GPHN: variants seen among roughly 807,000 people sequenced by gnomAD.
The protein encoded by GPHN is gephyrin.
Under a neutral mutation model 95.5 loss-of-function variants are expected in GPHN, and 17 were observed. The ratio of observed to expected loss-of-function variants is 0.18; its 90% CI spans 0.12 to 0.27. The LOEUF is 0.27. Ranked by LOEUF, GPHN falls within the 10% of genes least tolerant of loss-of-function variation. GPHN has a pLI of 1.00. For synonymous variants in GPHN, 320 were observed against 322.5 expected (o/e 0.99, Z 0.08); for missense variants, 660 against 978.1 (o/e 0.67, Z 4.34).
chr14:67,573,755 A>G, the GPHN span: 1 of 1,242,564 alleles, frequency 8.0e-7, no homozygotes, highest in Non-Finnish European at 1.2e-6. This position sits in a 1 kb window ranked among gnomAD's most constrained non-coding sequence, Gnocchi z 4.8. Context: ...GTGCTCCGGA[A>G]AGGCTCCACA....
the GPHN span, among the ~76,000 whole-genome samples, chr14:67,733,199 C>T: frequency 6.6e-6 from 1 of 152,090 alleles, no homozygotes; most frequent in Non-Finnish European, 1.5e-5. Context: ...CTCTAGTCCT[C>T]AGGGCCCCTG....
intron 2 of GPHN, among the ~76,000 whole-genome samples, chr14:66,740,113 C>T (rs1222659692): frequency 6.6e-6 from 1 of 152,110 alleles, no homozygotes; most frequent in Non-Finnish European, 1.5e-5. Context: ...AGGTTCAAAA[C>T]TACACTGTTT....
intron 11 of GPHN, among the ~76,000 whole-genome samples, chr14:67,071,158 A>G (rs1244580416): frequency 6.6e-6 from 1 of 152,190 alleles, no homozygotes; most frequent in Admixed American, 6.5e-5. Context: ...ATTATAAATG[A>G]TGCTGCTATA....
chr14:67,380,629 C>A, the GPHN span: 3 of 1,287,550 alleles, frequency 2.3e-6, no homozygotes, highest in Admixed American at 5.0e-5. Flanking sequence ...TAACCTTGAC[C>A]TTTTGTTATT....
the GPHN span, among the ~76,000 whole-genome samples, chr14:67,552,621 G>T: frequency 6.6e-6 from 1 of 151,222 alleles, no homozygotes; most frequent in Non-Finnish European, 1.5e-5. Flanking sequence ...TAAAAAATTA[G>T]CTGGGCGTGG....
At chr14:66,969,855 G>A (rs1367045130) in intron 9 of GPHN, 3 of 150,178 alleles carry the variant, frequency 2.0e-5, no homozygotes, top group Non-Finnish European at 4.4e-5. Context: ...GCTTAAGGCA[G>A]AAAATAATGA....
At chr14:67,624,439 G>T in the GPHN span, among the ~76,000 whole-genome samples, 3 of 152,228 alleles carry the variant, frequency 2.0e-5, no homozygotes, top group East Asian at 5.8e-4. Flanking sequence ...TCATGGTTCT[G>T]CAGGACATAC....
intron 3 of GPHN, among the ~76,000 whole-genome samples, chr14:66,789,820 G>T (rs967675435): frequency 1.3e-5 from 2 of 152,144 alleles, no homozygotes; most frequent in African/African-American, 4.8e-5. Context: ...TAATCCAAAC[G>T]TGCAGAGAGC....
the GPHN span, among the ~76,000 whole-genome samples, chr14:67,438,702 A>G: frequency 1.3e-5 from 2 of 151,916 alleles, no homozygotes; most frequent in Non-Finnish European, 2.9e-5. Flanking sequence ...CTCTACTAAA[A>G]ATTAAAAAAG....
chr14:66,706,123 C>G (rs574657675), intron 2 of GPHN, among the ~76,000 whole-genome samples: 79 of 152,218 alleles, frequency 5.2e-4, no homozygotes, highest in African/African-American at 1.7e-3. Flanking sequence ...AGGACCTCTT[C>G]AGGGAGAACT....
At chr14:67,256,046 A>T in the GPHN span, among the ~76,000 whole-genome samples, 1 of 152,192 alleles carries the variant, frequency 6.6e-6, no homozygotes, top group Non-Finnish European at 1.5e-5. Context: ...TTGTTTTCAG[A>T]AAAGTAATAT....
At chr14:67,324,894 T>C in the GPHN span, among the ~76,000 whole-genome samples, 1 of 145,740 alleles carries the variant, frequency 6.9e-6, no homozygotes, top group Non-Finnish European at 1.5e-5. Context: ...CAGCCTTCCT[T>C]TCATTTTTTT....
the GPHN span, chr14:67,199,677 G>C: frequency 6.3e-7 from 1 of 1,578,692 alleles, no homozygotes; most frequent in Admixed American, 1.7e-5. Flanking sequence ...CAGCCTGACC[G>C]CCCTCATCAG....
At chr14:66,691,189 T>A (rs72726491) in intron 2 of GPHN, among the ~76,000 whole-genome samples, 8,931 of 151,988 alleles carry the variant, frequency 0.059, 359 homozygotes, top group Middle Eastern at 0.099. Flanking sequence ...AATTTTTATT[T>A]TTTTTTTTTA....
At chr14:67,141,395 ATAGTCGAACTT>A (rs1180484644) in intron 17 of GPHN, among the ~76,000 whole-genome samples, 4 of 152,322 alleles carry the variant, frequency 2.6e-5, no homozygotes, top group Admixed American at 2.6e-4. Flanking sequence ...CAAGCATGCT[ATAGTCGAACTT>A]TGCCAGTTTG....
At chr14:67,096,088 A>G (rs544236532) in intron 12 of GPHN, among the ~76,000 whole-genome samples, 1 of 152,178 alleles carries the variant, frequency 6.6e-6, no homozygotes, top group East Asian at 1.9e-4. Context: ...TTGAGAAATA[A>G]GAGAAATAAG....
chr14:67,708,478 G>A, the GPHN span, among the ~76,000 whole-genome samples: 1 of 152,070 alleles, frequency 6.6e-6, no homozygotes, highest in Non-Finnish European at 1.5e-5. Context: ...ACCAAAACAA[G>A]ACAACAATTG....
At chr14:67,164,371 TTATGTC>T (rs1403077235) in intron 19 of GPHN, among the ~76,000 whole-genome samples, 9 of 152,036 alleles carry the variant, frequency 5.9e-5, no homozygotes, top group Non-Finnish European at 1.0e-4. Flanking sequence ...AGGGAAGTGT[TTATGTC>T]TATGCTAAGG....
At chr14:67,175,211 G>A (rs1595496918) in intron 21 of GPHN, among the ~76,000 whole-genome samples, 1 of 152,142 alleles carries the variant, frequency 6.6e-6, no homozygotes, top group South Asian at 2.1e-4. Flanking sequence ...CTGGTTTTAG[G>A]TCTAACATGT....
Sources: gnomAD v4.1 joint callset for allele counts (sites outside exome capture counted in the v4.1 genomes callset) on GRCh38, gnomAD v4.1.1 for gene constraint, Gnocchi (gnomAD v3.1) non-coding constraint, MANE v1.5 for transcripts, NCBI Gene and HGNC (gene_info 2026-07-23, HGNC 2026-07-21) for gene names.